DIS3L: variants seen among roughly 807,000 people sequenced by gnomAD.
DIS3L encodes DIS3 like exosome 3'-5' exoribonuclease.
Under a neutral mutation model 120.3 loss-of-function variants are expected in DIS3L, and 100 were observed. The ratio of observed to expected loss-of-function variants is 0.83; its 90% CI spans 0.71 to 0.98. DIS3L has a LOEUF of 0.98. Among genes scored for constraint, DIS3L ranks in the 50% least tolerant of loss-of-function variants. The probability of loss-of-function intolerance (pLI) is 0.00; values close to 1 mark genes in which losing one functional copy is unlikely to be tolerated. For synonymous variants in DIS3L, 426 were observed against 470.6 expected (o/e 0.91, Z 1.23); for missense variants, 1,196 against 1,314.2 (o/e 0.91, Z 1.39).
At chr15:66,293,851 C>A in intron 1 of DIS3L, 116 bp downstream of exon 1, 1 of 998,748 alleles carries the variant, frequency 1.0e-6, no homozygotes, top group Non-Finnish European at 1.2e-6. Context: ...GCGTAGGCCC[C>A]GCGGCCTGCG....
chr15:66,293,429 C>A (rs1395741568), upstream of DIS3L: 1 of 1,183,554 alleles, frequency 8.4e-7, no homozygotes, highest in Non-Finnish European at 1.0e-6. Flanking sequence ...GAAACTAAGG[C>A]CGGGAGGGCC....
At chr15:66,320,432 A>T in intron 8 of DIS3L, 139 bp from the exon 9 acceptor site, 1 of 836,152 alleles carries the variant, frequency 1.2e-6, no homozygotes. Context: ...CAAAAAAAAA[A>T]CCCTACCATA....
Position 66,333,042 on chromosome 15 carries a change from T to C in DIS3L, c.2895T>C (p.Asp965=). ...ISIQASRCHS[D]TIRLEIISNK... is the part of the protein sequence containing the mutation. ...TACAGGCCTCACGTTGCCATTCTGA[T>C]ACAATCAGACTTGAAATAATTAGTA... is the stretch of plus-strand genomic sequence containing the variant. Residue 965 remains aspartate, a synonymous_variant, in exon 17 of 17, where the codon GAT becomes GAC. Coordinates refer to ENST00000319212, the MANE Select transcript of DIS3L (RefSeq NM_001143688.3). The C allele has an allele frequency of 6.2e-7, 1 of 1,613,300 alleles. No homozygotes were observed.
chr15:66,309,094 A>AAAAAAAAAAAATATATATATATAT, intron 4 of DIS3L, among the ~76,000 whole-genome samples: 1 of 15,314 alleles, frequency 6.5e-5, no homozygotes, highest in African/African-American at 2.0e-4. Flanking sequence ...AAAAAAAAAA[A>AAAAAAAAAAAATATATATATATAT]ATATATATAT....
intron 1 of DIS3L, chr15:66,294,174 G>C: frequency 1.0e-6 from 1 of 985,692 alleles, no homozygotes; most frequent in Non-Finnish European, 1.2e-6. Flanking sequence ...TGCAGCCACA[G>C]GTTTCCTGAC....
rs572621489 is a variant in DIS3L at position 66,306,409 on chromosome 15, A to G, written c.294-415A>G. 2.6e-5 allele frequency among the ~76,000 whole-genome samples: 4 copies of G among 152,352 alleles called. No homozygotes were observed. The South Asian group carries it at 8.3e-4, about 32-fold the overall frequency. The stretch of plus-strand genomic sequence containing the variant: ...GGGCTGCCAGCAAAAAGTCAAATGT[A>G]TTAATGCTTAATGACATTTATAGAA... On this transcript the variant is annotated intron_variant, in intron 2 of 16. Transcript: ENST00000319212.
chr15:66,305,570 G>A (rs1229326817), intron 2 of DIS3L, among the ~76,000 whole-genome samples: 2 of 151,858 alleles, frequency 1.3e-5, no homozygotes, highest in East Asian at 1.9e-4. Context: ...TGTTCCTCAG[G>A]CTGGAGTTCA....
chr15:66,329,746 T>C, intron 14 of DIS3L: 1 of 976,196 alleles, frequency 1.0e-6, no homozygotes. Context: ...ACCCCATCTC[T>C]ACAAAAAATA....
At position 66,315,112 on chromosome 15, in the gene DIS3L, G is replaced by A. The variant is rs1297453780; in HGVS notation, c.891G>A (p.Glu297=). Residue 297 remains glutamate (E), a synonymous_variant, in exon 7 of 17, where the codon GAG becomes GAA. Transcript: ENST00000319212. ...RSIHGDVVVV[E]LLPKNEWKGR... ...TTCATGGAGATGTGGTAGTTGTGGA[G>A]CTGCTTCCTAAAAATGAATGGAAAG... 1 of 1,613,964 alleles carries A rather than the reference G, an allele frequency of 6.2e-7. No individual in the cohort carries two copies. The highest frequency in any genetic ancestry group is 8.5e-7 in the Non-Finnish European group (1 of 1,180,022).
intron 12 of DIS3L, among the ~76,000 whole-genome samples, chr15:66,327,067 T>C (rs1430278749): frequency 6.6e-6 from 1 of 151,150 alleles, no homozygotes; most frequent in Non-Finnish European, 1.5e-5. Context: ...GTATATGGGA[T>C]TACAAGCATG....
At chr15:66,323,971 T>A (rs575992507) in intron 11 of DIS3L, among the ~76,000 whole-genome samples, 1 of 152,340 alleles carries the variant, frequency 6.6e-6, no homozygotes, top group East Asian at 1.9e-4. Flanking sequence ...ATTTGTTGAG[T>A]TTAAACTTTG....
intron 7 of DIS3L, 78 bp downstream of exon 7, chr15:66,315,293 A>C: frequency 7.6e-7 from 1 of 1,313,446 alleles, no homozygotes; most frequent in Non-Finnish European, 1.0e-6. Flanking sequence ...CAATCCAGAA[A>C]TACTGCCCTT....
chr15:66,316,255 A>G (rs369210737), intron 7 of DIS3L, among the ~76,000 whole-genome samples: 7 of 151,972 alleles, frequency 4.6e-5, no homozygotes, highest in Admixed American at 2.0e-4. Context: ...CAGTCTCAGT[A>G]AAGGGCAAAT....
chr15:66,302,459 G>A (rs973329457), intron 2 of DIS3L, among the ~76,000 whole-genome samples: 2 of 152,184 alleles, frequency 1.3e-5, no homozygotes, highest in East Asian at 1.9e-4. Context: ...AAAAGGCAAC[G>A]GGGCTCTGGA....
At chr15:66,294,294 T>C (rs2140308954) in intron 1 of DIS3L, 1 of 985,466 alleles carries the variant, frequency 1.0e-6, no homozygotes, top group Middle Eastern at 5.2e-4. Flanking sequence ...GAAGTTGGAC[T>C]GGGGACTCCT....
chr15:66,302,714 C>A (rs150385512), intron 2 of DIS3L, among the ~76,000 whole-genome samples: 1 of 152,160 alleles, frequency 6.6e-6, no homozygotes, highest in Non-Finnish European at 1.5e-5. Flanking sequence ...GAAGCCTTCC[C>A]ATCCCTCCCA....
chr15:66,308,567 A>G, intron 3 of DIS3L, 142 bp from the exon 4 acceptor site: 1 of 1,109,596 alleles, frequency 9.0e-7, no homozygotes. Context: ...CTTCTTTATA[A>G]TGGATACTCC....
chr15:66,297,948 G>T (rs1220643601), intron 2 of DIS3L, among the ~76,000 whole-genome samples: 1 of 152,078 alleles, frequency 6.6e-6, no homozygotes. Context: ...GGGAGGCTAA[G>T]GCAGGTAGAT....
At chr15:66,305,976 T>C (rs1346546804) in intron 2 of DIS3L, among the ~76,000 whole-genome samples, 1 of 152,214 alleles carries the variant, frequency 6.6e-6, no homozygotes, top group South Asian at 2.1e-4. Flanking sequence ...CGGCCAGCAT[T>C]GTGGGAAGGA....
Sources: gnomAD v4.1 joint callset for allele counts (sites outside exome capture counted in the v4.1 genomes callset) on GRCh38, gnomAD v4.1.1 for gene constraint, MANE v1.5 for transcripts, NCBI Gene and HGNC (gene_info 2026-07-23, HGNC 2026-07-21) for gene names.